KIAA0825: variants seen among roughly 807,000 people sequenced by gnomAD.
The protein encoded by KIAA0825 is uncharacterized protein KIAA0825.
Under a neutral mutation model 147.6 loss-of-function variants are expected in KIAA0825, and 119 were observed. The observed-to-expected ratio is 0.81, with a 90% CI of 0.69 to 0.94. The LOEUF (loss-of-function observed/expected upper bound fraction) is 0.94, where lower values mean the gene tolerates loss of function less well. Ranked by LOEUF, KIAA0825 falls within the 40% of genes least tolerant of loss-of-function variation. KIAA0825 has a pLI of 0.00. For synonymous variants in KIAA0825, 470 were observed against 518.1 expected (o/e 0.91, Z 1.26); for missense variants, 1,381 against 1,472.7 (o/e 0.94, Z 1.02).
intron 20 of KIAA0825, among the ~76,000 whole-genome samples, chr5:94,218,653 G>T (rs764789975): frequency 1.3e-5 from 2 of 152,158 alleles, no homozygotes; most frequent in Non-Finnish European, 2.9e-5. Context: ...CCACAGAGTT[G>T]ATTTCATGCT....
chr5:94,476,404 TG>T (rs1203102486), intron 7 of KIAA0825, among the ~76,000 whole-genome samples: 2 of 152,140 alleles, frequency 1.3e-5, no homozygotes, highest in African/African-American at 4.8e-5. Context: ...GAGTAGCTCC[TG>T]GGGCTACCAG....
At chr5:94,601,147 A>G (rs950215508) in intron 1 of KIAA0825, among the ~76,000 whole-genome samples, 1 of 152,136 alleles carries the variant, frequency 6.6e-6, no homozygotes, top group Non-Finnish European at 1.5e-5. Flanking sequence ...GGGGTCTCCA[A>G]TTACCTCCTG....
At chr5:94,617,955 T>TA (rs1791021016) in intron 1 of KIAA0825, 1 of 152,242 alleles carries the variant, frequency 6.6e-6, no homozygotes, top group African/African-American at 2.4e-5. Flanking sequence ...TGTTCTCTTA[T>TA]GTCTCAGCCA....
chr5:94,515,285 A>G (rs1767045488), intron 5 of KIAA0825, among the ~76,000 whole-genome samples: 1 of 152,224 alleles, frequency 6.6e-6, no homozygotes, highest in South Asian at 2.1e-4. Context: ...ATGTTACAAT[A>G]TAAGAATGGC....
intron 13 of KIAA0825, among the ~76,000 whole-genome samples, chr5:94,441,114 A>T (rs1226573150): frequency 6.6e-6 from 1 of 152,128 alleles, no homozygotes; most frequent in Non-Finnish European, 1.5e-5. Flanking sequence ...CAGCATTATC[A>T]TTAGCAGATG....
chr5:94,353,831 C>G (rs896609988), intron 20 of KIAA0825, among the ~76,000 whole-genome samples: 3 of 152,050 alleles, frequency 2.0e-5, no homozygotes, highest in African/African-American at 4.8e-5. Flanking sequence ...AATCAAATGT[C>G]TTGAGATTAA....
At chr5:94,530,415 G>A (rs775527348) in intron 3 of KIAA0825, among the ~76,000 whole-genome samples, 24 of 151,944 alleles carry the variant, frequency 1.6e-4, no homozygotes, top group Non-Finnish European at 3.5e-4. Context: ...CTCCCAAGTA[G>A]CTAGGACTAC....
rs563353634 is a variant in KIAA0825, at chr5:94,523,876, T to C, written c.300+54A>G. The C allele has an allele frequency of 3.7e-5, 44 of 1,182,826 alleles. No individual in the cohort carries two copies. In the South Asian group the frequency reaches 6.0e-4, roughly 16 times the overall value. 73.3% of individuals were successfully genotyped at this position (1,182,826 alleles called of 1,614,324 possible). A position where few individuals can be genotyped will look rare whatever the true frequency, so the allele number is the denominator to read the frequency against. On this transcript the variant is annotated intron_variant, in intron 4 of 20. Transcript: ENST00000682413. ...TATTTACGTATAGAAATTGAATGAG[T>C]TGTATTCCCTGTTTACTCATCCCAC... is the stretch of plus-strand genomic sequence containing the variant.
chr5:94,438,100 G>C (rs567524419), intron 14 of KIAA0825, among the ~76,000 whole-genome samples: 2 of 152,142 alleles, frequency 1.3e-5, no homozygotes, highest in Non-Finnish European at 2.9e-5. Flanking sequence ...CCAATACTAC[G>C]CTATTCCGCT....
At chr5:94,172,351 A>C (rs1033937111) in intron 20 of KIAA0825, among the ~76,000 whole-genome samples, 9 of 152,186 alleles carry the variant, frequency 5.9e-5, no homozygotes, top group Non-Finnish European at 1.2e-4. Context: ...AAATGTATGG[A>C]TAGTTGCTTA....
At chr5:94,301,000 T>A (rs1307971240) in intron 20 of KIAA0825, among the ~76,000 whole-genome samples, 1 of 152,112 alleles carries the variant, frequency 6.6e-6, no homozygotes, top group Non-Finnish European at 1.5e-5. Context: ...GATTAATAGG[T>A]GGATGATAGG....
At chr5:94,405,909 G>GTTAT (rs747615633) in intron 15 of KIAA0825, among the ~76,000 whole-genome samples, 2 of 151,998 alleles carry the variant, frequency 1.3e-5, no homozygotes, top group African/African-American at 2.4e-5. Flanking sequence ...TTTTACTGCT[G>GTTAT]TTATTTATTT....
chr5:94,265,762 T>C lies in KIAA0825; in HGVS notation c.3711-111638A>G, dbSNP rs373364110. 5.4e-4 allele frequency among the ~76,000 whole-genome samples: 82 copies of C among 152,210 alleles called. 1 individual carries two copies. The South Asian group carries it at 0.016, about 30-fold the overall frequency. On this transcript the variant is annotated intron_variant, in intron 20 of 20. Transcript: ENST00000682413. ...GTTGCAGTGAGCCGAGATTGCGCCA[T>C]TGCATTCCAGCCTGGGTGACAGGGC...
At chr5:94,235,368 C>T (rs1774982531) in intron 20 of KIAA0825, among the ~76,000 whole-genome samples, 1 of 152,218 alleles carries the variant, frequency 6.6e-6, no homozygotes, top group Non-Finnish European at 1.5e-5. Context: ...TCCCTTAAAC[C>T]AAATCTTAAT....
chr5:94,365,128 A>G (rs1460827673), intron 20 of KIAA0825, among the ~76,000 whole-genome samples: 1 of 152,174 alleles, frequency 6.6e-6, no homozygotes, highest in Non-Finnish European at 1.5e-5. Context: ...CGGGCCCTCA[A>G]GCCTGTCTGT....
chr5:94,441,622 G>A (rs571451302), intron 13 of KIAA0825, among the ~76,000 whole-genome samples: 6 of 152,274 alleles, frequency 3.9e-5, no homozygotes, highest in Non-Finnish European at 8.8e-5. Flanking sequence ...GAGTTAGCCT[G>A]ACCTCTTTCT....
intron 9 of KIAA0825, 143 bp downstream of exon 9, chr5:94,471,323 G>T: frequency 1.1e-6 from 1 of 919,088 alleles, no homozygotes; most frequent in Non-Finnish European, 1.6e-6. Context: ...ATATTTCCTA[G>T]TTAAGACAAA....
At chr5:94,395,697 A>G (rs927697045) in intron 17 of KIAA0825, among the ~76,000 whole-genome samples, 2 of 152,126 alleles carry the variant, frequency 1.3e-5, no homozygotes, top group Non-Finnish European at 2.9e-5. Context: ...AAAGCAATAA[A>G]AAGCCTTTTA....
At chr5:94,166,981 G>C (rs1220019707) in intron 20 of KIAA0825, among the ~76,000 whole-genome samples, 1 of 152,102 alleles carries the variant, frequency 6.6e-6, no homozygotes, top group Non-Finnish European at 1.5e-5. Flanking sequence ...TGAGTATTAT[G>C]ATTCAGGAAT....
Sources: allele counts gnomAD v4.1 joint callset (sites outside exome capture counted in the v4.1 genomes callset), GRCh38; gene constraint gnomAD v4.1.1; transcripts MANE v1.5; gene names NCBI Gene and HGNC (gene_info 2026-07-23, HGNC 2026-07-21).